Variants in MECOM observed in about 807,000 individuals in gnomAD.
The protein encoded by MECOM is MDS1 and EVI1 complex locus.
MECOM carries 13 observed loss-of-function variants against 116.3 expected under a neutral mutation model. The ratio of observed to expected loss-of-function variants is 0.11; its 90% CI spans 0.07 to 0.18. The LOEUF (loss-of-function observed/expected upper bound fraction) is 0.18. MECOM is among the 10% of genes least tolerant of loss of function. The pLI is 1.00. For missense variants in MECOM, 1,299 were observed against 1,509.0 expected (o/e 0.86, Z 2.31); for synonymous variants, 528 against 535.2 (o/e 0.99, Z 0.19).
At chr3:169,381,078 T>C in intron 2 of MECOM, 109 bp downstream of exon 2, 2 of 988,850 alleles carry the variant, frequency 2.0e-6, no homozygotes, top group Non-Finnish European at 2.9e-6. Context: ...AAAAACCTGT[T>C]GAAAACATAT....
intron 3 of MECOM, among the ~76,000 whole-genome samples, chr3:169,135,769 A>G (rs1367150883): frequency 6.6e-6 from 1 of 151,906 alleles, no homozygotes; most frequent in African/African-American, 2.4e-5. Context: ...CTTTGTAAGT[A>G]TGAATATTAT....
At chr3:169,230,988 T>C (rs1753322689) in intron 2 of MECOM, among the ~76,000 whole-genome samples, 1 of 152,188 alleles carries the variant, frequency 6.6e-6, no homozygotes, top group Non-Finnish European at 1.5e-5. Flanking sequence ...CATAGACGTT[T>C]GTTTAAATAC....
intron 1 of MECOM, among the ~76,000 whole-genome samples, chr3:169,429,714 T>A (rs1741293495): frequency 6.6e-6 from 1 of 152,182 alleles, no homozygotes; most frequent in Admixed American, 6.5e-5. Context: ...CCACACTTAA[T>A]AGTTGCATAC....
intron 9 of MECOM, among the ~76,000 whole-genome samples, chr3:169,112,508 T>G (rs1211658328): frequency 6.6e-6 from 1 of 152,200 alleles, no homozygotes; most frequent in Non-Finnish European, 1.5e-5. Context: ...ATTTATTTTC[T>G]TAACTGAATC....
Position 169,444,703 on chromosome 3 carries a change from C to G in MECOM, c.38-63179G>C, listed in dbSNP as rs146175652. Reference sequence around the variant, plus strand: ...GAAAAGATACCCGATGACTTTGGAACTGGGTAACAGGCAGAGATTGGAACA... The same window carrying G: ...GAAAAGATACCCGATGACTTTGGAAGTGGGTAACAGGCAGAGATTGGAACA... On this transcript the variant is annotated intron_variant, in intron 1 of 16. Coordinates refer to ENST00000651503, the MANE Select transcript of MECOM (RefSeq NM_004991.4). Among the ~76,000 whole-genome samples, 877 of 152,186 alleles carry G rather than the reference C, an allele frequency of 5.8e-3. 4 individuals carry two copies. Among genetic ancestry groups the G allele is most frequent in the Non-Finnish European group, 9.5e-3 (649 of 68,006 alleles).
At chr3:169,650,689 A>G (rs968431661) in intron 1 of MECOM, among the ~76,000 whole-genome samples, 2 of 152,078 alleles carry the variant, frequency 1.3e-5, no homozygotes, top group East Asian at 1.9e-4. Flanking sequence ...GCAACCCTCT[A>G]TGACCTTCCC....
chr3:169,560,122 T>C (rs1762477367), intron 1 of MECOM, among the ~76,000 whole-genome samples: 1 of 152,182 alleles, frequency 6.6e-6, no homozygotes, highest in Non-Finnish European at 1.5e-5. Flanking sequence ...CAATTTCATG[T>C]CCCGAAATTA....
At position 169,143,775 on chromosome 3, in the gene MECOM, C is replaced by T. The variant is rs1381446588; in HGVS notation, c.433G>A (p.Gly145Arg). Residue 145 changes from glycine to arginine, a missense_variant, in exon 3 of 17, where the codon GGA (glycine) becomes AGA (arginine). Gly to Arg is a moderately radical substitution (Grantham distance 125). This residue lies in a region of MECOM where 374 missense variants were observed against 433.4 expected (regional missense o/e 0.86). Coordinates refer to ENST00000651503, the MANE Select transcript of MECOM (RefSeq NM_004991.4). Reference protein sequence around the residue: ...FCIDASQPDVGSWLKYIRFAG... With the variant: ...FCIDASQPDVRSWLKYIRFAG... ...AATCTAATGTACTTGAGCCAGCTTC[C>T]AACATCTGGTTGACTGGCATCTATG... 6.2e-7 allele frequency: 1 copy of T among 1,611,120 alleles called. No individual in the cohort carries two copies. Among genetic ancestry groups the T allele is most frequent in the South Asian group, 1.1e-5 (1 of 90,490 alleles).
chr3:169,139,778 A>C (rs1275745281), intron 3 of MECOM, among the ~76,000 whole-genome samples: 1 of 151,948 alleles, frequency 6.6e-6, no homozygotes, highest in Non-Finnish European at 1.5e-5. Flanking sequence ...CCTGGTTCTG[A>C]TCCAGGCGAA....
chr3:169,318,597 T>A (rs997697175), intron 2 of MECOM, among the ~76,000 whole-genome samples: 2 of 152,084 alleles, frequency 1.3e-5, no homozygotes, highest in East Asian at 3.9e-4. Context: ...AGAATGGCGA[T>A]CATTAAGAAG....
At chr3:169,410,381 AC>A (rs1395315289) in intron 1 of MECOM, among the ~76,000 whole-genome samples, 1 of 152,168 alleles carries the variant, frequency 6.6e-6, no homozygotes, top group Non-Finnish European at 1.5e-5. Context: ...TAGAATAAAG[AC>A]CGACTTTTCT....
chr3:169,305,486 T>C (rs1462354745), intron 2 of MECOM, among the ~76,000 whole-genome samples: 1 of 152,122 alleles, frequency 6.6e-6, no homozygotes, highest in East Asian at 1.9e-4. Flanking sequence ...AGTTCCAAAG[T>C]AGCAGAAAAA....
intron 1 of MECOM, among the ~76,000 whole-genome samples, chr3:169,483,202 ATT>A (rs200735642): frequency 1.0e-3 from 108 of 102,994 alleles, no homozygotes; most frequent in African/African-American, 1.6e-3. Context: ...TTTTATTTTT[ATT>A]TTTTTTTTTT....
intron 2 of MECOM, among the ~76,000 whole-genome samples, chr3:169,343,938 C>G (rs531225568): frequency 4.5e-4 from 68 of 152,212 alleles, no homozygotes; most frequent in African/African-American, 1.4e-3. Flanking sequence ...CCAAAGGAGA[C>G]TCAAAGTATT....
chr3:169,466,623 T>G (rs1243258558), intron 1 of MECOM, among the ~76,000 whole-genome samples: 1 of 152,182 alleles, frequency 6.6e-6, no homozygotes, highest in African/African-American at 2.4e-5. Context: ...CACTCTTTTT[T>G]TTCCTCTTTC....
At chr3:169,476,456 A>ATC (rs1750392109) in intron 1 of MECOM, among the ~76,000 whole-genome samples, 1 of 152,150 alleles carries the variant, frequency 6.6e-6, no homozygotes, top group South Asian at 2.1e-4. Flanking sequence ...TAACGCTTTG[A>ATC]TAGATCCCTG....
At chr3:169,413,279 G>C (rs979426831) in intron 1 of MECOM, among the ~76,000 whole-genome samples, 13 of 152,260 alleles carry the variant, frequency 8.5e-5, no homozygotes, top group Admixed American at 7.2e-4. Flanking sequence ...CTTAGCCAAG[G>C]GAAGCCATGA....
rs1159805837 is a variant in MECOM at position 169,143,835 on chromosome 3, G to A, written c.376-3C>T. 2 of 1,597,670 alleles carry A rather than the reference G, an allele frequency of 1.3e-6. No individual in the cohort carries two copies. The highest frequency in any genetic ancestry group is 8.5e-7 in the Non-Finnish European group (1 of 1,172,052). Reference sequence around the variant, plus strand: ...ACATTGTAAAATTCGTCTAAGATCTGGAGGGAAGAAGATGAGAACAATCAA... The same window carrying A: ...ACATTGTAAAATTCGTCTAAGATCTAGAGGGAAGAAGATGAGAACAATCAA... On this transcript the variant is annotated splice_region_variant and splice_polypyrimidine_tract_variant and intron_variant, in intron 2 of 16. Transcript: ENST00000651503.
intron 1 of MECOM, chr3:169,477,127 A>G (rs1197055009): frequency 1.1e-5 from 1 of 90,422 alleles, no homozygotes; most frequent in South Asian, 3.7e-4. Context: ...ATATATATAT[A>G]TATATATATA....
Sources: allele counts gnomAD v4.1 joint callset (sites outside exome capture counted in the v4.1 genomes callset), GRCh38; gene constraint gnomAD v4.1.1; regional missense constraint gnomAD v4.1.1; transcripts MANE v1.5; gene names NCBI Gene and HGNC (gene_info 2026-07-23, HGNC 2026-07-21).